The following SSBP2 variants were observed in gnomAD, a reference collection of about 807,000 sequenced individuals.
The protein encoded by SSBP2 is single-stranded DNA-binding protein 2.
In SSBP2, 17 loss-of-function variants were observed where a neutral mutation model predicts 61.8. That is an observed-to-expected ratio of 0.28 (90% CI 0.19 to 0.41). SSBP2 has a LOEUF of 0.41. SSBP2 is among the 10% of genes least tolerant of loss of function. The probability of loss-of-function intolerance (pLI) is 1.00; values close to 1 mark genes in which losing one functional copy is unlikely to be tolerated. For synonymous variants in SSBP2, 139 were observed against 141.3 expected (o/e 0.98, Z 0.12); for missense variants, 310 against 458.7 (o/e 0.68, Z 2.96).
At chr5:81,674,263 A>G (rs1751794706) in intron 1 of SSBP2, among the ~76,000 whole-genome samples, 1 of 152,204 alleles carries the variant, frequency 6.6e-6, no homozygotes, top group African/African-American at 2.4e-5. Context: ...GCAAGCTCAC[A>G]CGTCAAAGTT....
At chr5:81,464,433 CAT>C (rs1468691292) in intron 9 of SSBP2, among the ~76,000 whole-genome samples, 2 of 152,116 alleles carry the variant, frequency 1.3e-5, no homozygotes, top group East Asian at 3.9e-4. Context: ...GTTACAGAAA[CAT>C]AGAAAGTAAG....
chr5:81,560,529 C>A (rs1411402108), intron 4 of SSBP2, among the ~76,000 whole-genome samples: 1 of 151,964 alleles, frequency 6.6e-6, no homozygotes, highest in Admixed American at 6.6e-5. Flanking sequence ...TTTAGACAGA[C>A]ACGGATAGAA....
At chr5:81,504,009 A>T (rs935420075) in intron 5 of SSBP2, among the ~76,000 whole-genome samples, 2 of 152,154 alleles carry the variant, frequency 1.3e-5, no homozygotes, top group African/African-American at 4.8e-5. Context: ...AGGAGGAAAA[A>T]GATCAGAAAA....
rs71000833 is a variant in SSBP2, at chr5:81,439,508, C to CTT, written c.928+1048_928+1049dup. Among the ~76,000 whole-genome samples the CTT allele has an allele frequency of 5.8e-4, 83 of 143,344 alleles. 1 individual carries two copies. In the South Asian group the frequency reaches 6.0e-3, roughly 10 times the overall value. 94.0% of individuals were successfully genotyped at this position (143,344 alleles called of 152,430 possible). ...CACTTATAAAGTATGTTTTCTTTTT[C>CTT]TTTTTTTTTTTTGAGATGGAGTTTT... On this transcript the variant is annotated intron_variant, in intron 14 of 16. Transcript: ENST00000320672.
intron 1 of SSBP2, among the ~76,000 whole-genome samples, chr5:81,713,416 T>A (rs1754938299): frequency 1.3e-5 from 2 of 151,624 alleles, no homozygotes; most frequent in African/African-American, 4.8e-5. Context: ...CTAAAAAACA[T>A]AAGGCAAGTT....
In SSBP2 at chr5:81,428,205, AAAGT is replaced by A. The variant is rs566926145; in HGVS notation, c.1056+376_1056+379del. Among the ~76,000 whole-genome samples the A allele has an allele frequency of 7.9e-5, 12 of 152,310 alleles. No homozygotes were observed. The East Asian group carries it at 2.1e-3, about 27-fold the overall frequency. On this transcript the variant is annotated intron_variant, in intron 16 of 16. Transcript: ENST00000320672. ...TTCAGTCCAGTGAGGTCTACTATAT[AAAGT>A]AAGAACAGACTTTTTAGATTTTGAG...
chr5:81,694,991 C>T (rs953893217), intron 1 of SSBP2, among the ~76,000 whole-genome samples: 4 of 152,160 alleles, frequency 2.6e-5, no homozygotes, highest in African/African-American at 9.7e-5. Flanking sequence ...CAGAGCAAGA[C>T]TCTGCCTCTA....
At chr5:81,519,185 T>C (rs1332313456) in intron 4 of SSBP2, among the ~76,000 whole-genome samples, 1 of 152,158 alleles carries the variant, frequency 6.6e-6, no homozygotes, top group Non-Finnish European at 1.5e-5. Flanking sequence ...TTTATCTACT[T>C]ATTGAAAGTT....
intron 15 of SSBP2, among the ~76,000 whole-genome samples, chr5:81,434,633 CAA>C (rs34269591): frequency 4.6e-5 from 2 of 43,014 alleles, no homozygotes; most frequent in South Asian, 1.4e-3. Flanking sequence ...ACTCTTGACT[CAA>C]AAAAAAAAAA....
At chr5:81,653,634 A>G (rs1315065378) in intron 1 of SSBP2, among the ~76,000 whole-genome samples, 1 of 152,036 alleles carries the variant, frequency 6.6e-6, no homozygotes, top group African/African-American at 2.4e-5. Context: ...TTTAATGATC[A>G]CCATTCTAAC....
chr5:81,433,073 C>T (rs1178036545), intron 15 of SSBP2, among the ~76,000 whole-genome samples: 2 of 151,916 alleles, frequency 1.3e-5, no homozygotes, highest in African/African-American at 2.4e-5. Context: ...AGTGAGGAGC[C>T]CCTCTGCCTG....
At chr5:81,712,737 T>TTG (rs1554117442) in intron 1 of SSBP2, among the ~76,000 whole-genome samples, 1 of 149,668 alleles carries the variant, frequency 6.7e-6, no homozygotes, top group African/African-American at 2.5e-5. Context: ...TGTTTTTTTT[T>TTG]TTTTGTTTTT....
chr5:81,503,024 C>T (rs1767912774), intron 5 of SSBP2, among the ~76,000 whole-genome samples: 1 of 152,098 alleles, frequency 6.6e-6, no homozygotes, highest in Non-Finnish European at 1.5e-5. Flanking sequence ...GACATAGACA[C>T]TTTTCAGAAG....
chr5:81,719,372 G>A (rs398666), intron 1 of SSBP2, among the ~76,000 whole-genome samples: 53,264 of 152,072 alleles, frequency 0.35, 11,497 homozygotes, highest in Admixed American at 0.48. Context: ...ACTTCATCCA[G>A]CCAAACCTGT....
At chr5:81,483,764 T>TAC (rs531570279) in intron 6 of SSBP2, among the ~76,000 whole-genome samples, 5,159 of 149,312 alleles carry the variant, frequency 0.035, 117 homozygotes, top group African/African-American at 0.05. Flanking sequence ...CATATATATA[T>TAC]ACACACACAC....
intron 1 of SSBP2, among the ~76,000 whole-genome samples, chr5:81,667,814 T>C (rs1751274467): frequency 6.6e-6 from 1 of 152,140 alleles, no homozygotes; most frequent in Admixed American, 6.6e-5. Context: ...TGTCACCATA[T>C]TTTCTTATTA....
Position 81,493,677 on chromosome 5 carries a change from A to G in SSBP2, c.373-4368T>C, listed in dbSNP as rs184543747. 4.6e-5 allele frequency among the ~76,000 whole-genome samples: 7 copies of G among 151,906 alleles called. No homozygotes were observed. In the East Asian group the frequency reaches 1.4e-3, roughly 29 times the overall value. The stretch of plus-strand genomic sequence containing the variant: ...AGGCTGAGGCAGGAGAATTGCTTGA[A>G]CCTGGGAGGCCGGGGTTGCAGTGAG... On this transcript the variant is annotated intron_variant, in intron 5 of 16. Transcript: ENST00000320672.
At chr5:81,474,638 A>G (rs1765467389) in intron 6 of SSBP2, 76 bp from the exon 7 acceptor site, 2 of 1,032,764 alleles carry the variant, frequency 1.9e-6, no homozygotes, top group Non-Finnish European at 2.8e-6. Flanking sequence ...ATTTCCTTTT[A>G]AATGCTTGTA....
chr5:81,735,907 A>G (rs934606546), intron 1 of SSBP2, among the ~76,000 whole-genome samples: 1 of 152,184 alleles, frequency 6.6e-6, no homozygotes, highest in African/African-American at 2.4e-5. Flanking sequence ...GACAAAACGT[A>G]TTTATCAATC....
Sources: allele counts gnomAD v4.1 joint callset (sites outside exome capture counted in the v4.1 genomes callset), GRCh38; gene constraint gnomAD v4.1.1; transcripts MANE v1.5; gene names NCBI Gene and HGNC (gene_info 2026-07-23, HGNC 2026-07-21).